Variants in USP53 observed in about 807,000 individuals in gnomAD.
USP53 encodes the protein ubiquitin carboxyl-terminal hydrolase 53.
A neutral mutation model predicts 94.9 loss-of-function variants in USP53; 71 were observed. That is an observed-to-expected ratio of 0.75 (90% CI 0.62 to 0.91). The LOEUF is 0.91. Among genes scored for constraint, USP53 ranks in the 40% least tolerant of loss-of-function variants. USP53 has a pLI of 0.00. For missense variants in USP53, 1,173 were observed against 1,281.0 expected (o/e 0.92, Z 1.29); for synonymous variants, 375 against 422.7 (o/e 0.89, Z 1.39).
At chr4:119,219,383 C>T (rs1744209017) in intron 3 of USP53, 1 of 152,302 alleles carries the variant, frequency 6.6e-6, no homozygotes, top group Non-Finnish European at 1.5e-5. Flanking sequence ...ATCCTTCCAG[C>T]CTCTGCCTCT....
In USP53 at chr4:119,212,768, G is replaced by A; in HGVS notation, c.-1047G>A. The A allele has an allele frequency of 3.2e-6, 1 of 312,938 alleles. No homozygotes were observed. Among genetic ancestry groups the A allele is most frequent in the Non-Finnish European group, 6.5e-6 (1 of 154,928 alleles). The allele number at this position is 312,938 out of a possible 1,614,324, so 19.4% of individuals were successfully genotyped here. On this transcript the variant is annotated 5_prime_UTR_variant, in exon 1 of 19. Transcript: ENST00000692078. Reference sequence around the variant, plus strand: ...CAGTCAGTGTGTCTGGCGGGTGTCGGCGTGAAGCGGGGCTGGGCCAGCGGG... The same window carrying A: ...CAGTCAGTGTGTCTGGCGGGTGTCGACGTGAAGCGGGGCTGGGCCAGCGGG...
intron 17 of USP53, among the ~76,000 whole-genome samples, chr4:119,274,070 AT>A (rs1752233788): frequency 8.1e-6 from 1 of 123,174 alleles, no homozygotes; most frequent in Non-Finnish European, 1.8e-5. Context: ...CTCTTGTTTT[AT>A]TTTTTTATTA....
At chr4:119,227,522 C>T (rs1745465140) in intron 3 of USP53, among the ~76,000 whole-genome samples, 2 of 152,070 alleles carry the variant, frequency 1.3e-5, no homozygotes, top group African/African-American at 4.8e-5. Flanking sequence ...CCCAGCTACT[C>T]GGGAAGCTGA....
chr4:119,250,783 T>C (rs891216760), intron 7 of USP53, among the ~76,000 whole-genome samples: 1 of 152,236 alleles, frequency 6.6e-6, no homozygotes, highest in African/African-American at 2.4e-5. Flanking sequence ...TTGATCTATA[T>C]TGTAAATCAA....
At chr4:119,219,662 T>G (rs1744245997) in intron 3 of USP53, 1 of 152,270 alleles carries the variant, frequency 6.6e-6, no homozygotes, top group African/African-American at 2.4e-5. Context: ...TGTTAGAATT[T>G]GAACAAATTC....
chr4:119,248,775 C>T lies in USP53; in HGVS notation c.265C>T (p.Arg89Ter), dbSNP rs770848711. The change falls in exon 7 of 19, where the codon CGA becomes TGA. Residue 89 changes from arginine (R) to a stop codon, truncating the protein, a stop_gained. Transcript: ENST00000692078. LOFTEE classifies it high-confidence loss of function. ...GATATTTGCACAGTTCCAACACAGT[C>T]GAGAAAAAGCACTTCCCTCAGATAA... ...KTIFAQFQHSREKALPSDNIR... is the reference protein window; with the variant it reads ...KTIFAQFQHS 1.9e-6 allele frequency: 3 copies of T among 1,613,726 alleles called. No homozygotes were observed. Among genetic ancestry groups the T allele is most frequent in the Non-Finnish European group, 2.5e-6 (3 of 1,179,996 alleles).
At chr4:119,246,640 C>T (rs2149344284) in intron 6 of USP53, among the ~76,000 whole-genome samples, 1 of 152,190 alleles carries the variant, frequency 6.6e-6, no homozygotes. Flanking sequence ...GCCTTATAGG[C>T]CTCTGTAAGG....
chr4:119,214,612 T>TAAA (rs35029575), intron 2 of USP53, among the ~76,000 whole-genome samples: 96 of 141,602 alleles, frequency 6.8e-4, no homozygotes, highest in Admixed American at 3.0e-3. Context: ...TTCTTTTCCT[T>TAAA]AAAAAAAAAA....
intron 3 of USP53, among the ~76,000 whole-genome samples, chr4:119,221,972 C>G (rs1388561012): frequency 2.6e-5 from 4 of 152,146 alleles, no homozygotes; most frequent in African/African-American, 9.7e-5. Context: ...TAGTGCCACC[C>G]TGAAGAAGCA....
intron 17 of USP53, among the ~76,000 whole-genome samples, chr4:119,282,586 C>T (rs1247647217): frequency 6.6e-6 from 1 of 152,060 alleles, no homozygotes; most frequent in Non-Finnish European, 1.5e-5. Flanking sequence ...CATAAACTTT[C>T]TACTTCAAAG....
intron 16 of USP53, chr4:119,272,853 T>G (rs1284410656): frequency 2.6e-5 from 4 of 152,248 alleles, no homozygotes; most frequent in Non-Finnish European, 4.4e-5. Context: ...CAAATAACTT[T>G]GTGTTCGATT....
intron 4 of USP53, among the ~76,000 whole-genome samples, chr4:119,236,934 C>G (rs1746843958): frequency 6.6e-6 from 1 of 152,096 alleles, no homozygotes; most frequent in Admixed American, 6.5e-5. Context: ...TTGCCCAGTT[C>G]CATCAGAGGA....
At chr4:119,260,447 G>T in intron 10 of USP53, 60 bp from the exon 11 acceptor site, 1 of 1,505,926 alleles carries the variant, frequency 6.6e-7, no homozygotes, top group Non-Finnish European at 9.1e-7. Context: ...AATGCAAACT[G>T]TGTAAGGCTG....
At chr4:119,285,416 C>T (rs142547833) in intron 17 of USP53, among the ~76,000 whole-genome samples, 1 of 151,818 alleles carries the variant, frequency 6.6e-6, no homozygotes, top group East Asian at 1.9e-4. Flanking sequence ...CATTTGCTTC[C>T]AGAGTCTGCA....
At chr4:119,230,588 A>C (rs976250499) in intron 3 of USP53, among the ~76,000 whole-genome samples, 1 of 152,182 alleles carries the variant, frequency 6.6e-6, no homozygotes, top group Admixed American at 6.5e-5. Context: ...TGTTGAGTTT[A>C]TTCCTATCAA....
intron 3 of USP53, among the ~76,000 whole-genome samples, chr4:119,225,030 A>G (rs1745049363): frequency 6.6e-6 from 1 of 152,212 alleles, no homozygotes; most frequent in Non-Finnish European, 1.5e-5. Flanking sequence ...CTTTGAAATT[A>G]TCAATAAAGT....
At chr4:119,256,144 C>T in intron 7 of USP53, 102 bp from the exon 8 acceptor site, 1 of 780,284 alleles carries the variant, frequency 1.3e-6, no homozygotes, top group Non-Finnish European at 2.0e-6. Context: ...ATGTATGACA[C>T]TCTTAAATTT....
At chr4:119,283,430 G>T (rs1753730949) in intron 17 of USP53, among the ~76,000 whole-genome samples, 1 of 151,836 alleles carries the variant, frequency 6.6e-6, no homozygotes, top group Admixed American at 6.6e-5. Context: ...AGGCACCAAA[G>T]GATAAGAAAA....
chr4:119,269,442 G>T (rs72676009), intron 14 of USP53, among the ~76,000 whole-genome samples: 4,301 of 152,154 alleles, frequency 0.028, 121 homozygotes, highest in African/African-American at 0.068. Flanking sequence ...TATTTTAATG[G>T]CAGATCTCTT....
Sources: allele counts gnomAD v4.1 joint callset (sites outside exome capture counted in the v4.1 genomes callset), GRCh38; gene constraint gnomAD v4.1.1; transcripts MANE v1.5; gene names NCBI Gene and HGNC (gene_info 2026-07-23, HGNC 2026-07-21).